ALK: variants seen among roughly 807,000 people sequenced by gnomAD.
ALK encodes the protein ALK receptor tyrosine kinase.
A neutral mutation model predicts 163.1 loss-of-function variants in ALK; 74 were observed. That is an observed-to-expected ratio of 0.45 (90% CI 0.38 to 0.55). The LOEUF (loss-of-function observed/expected upper bound fraction) is 0.55. Among genes scored for constraint, ALK ranks in the 20% least tolerant of loss-of-function variants. The probability of loss-of-function intolerance (pLI) is 0.00; values close to 1 mark genes in which losing one functional copy is unlikely to be tolerated. For missense variants in ALK, 2,063 were observed against 2,105.3 expected, an observed-to-expected ratio of 0.98 and a Z score of 0.39; for synonymous variants, 960 against 843.2, an observed-to-expected ratio of 1.14 and a Z score of -2.40.
chr2:29,862,908 A>G (rs1666331035), intron 1 of ALK, among the ~76,000 whole-genome samples: 1 of 152,186 alleles, frequency 6.6e-6, no homozygotes, highest in Non-Finnish European at 1.5e-5. Flanking sequence ...TACTGGCACA[A>G]AAACAGATGT....
chr2:29,334,317 T>C (rs73920785), intron 5 of ALK, among the ~76,000 whole-genome samples: 2,309 of 152,338 alleles, frequency 0.015, 72 homozygotes, highest in African/African-American at 0.051. Context: ...GTGTCTGGTA[T>C]AAAGATCTAA....
At chr2:29,637,059 C>A (rs1416708522) in intron 3 of ALK, among the ~76,000 whole-genome samples, 2 of 152,088 alleles carry the variant, frequency 1.3e-5, no homozygotes, top group Non-Finnish European at 2.9e-5. Context: ...ATGCCATTAC[C>A]ACAGGACTCA....
At chr2:29,580,440 C>T (rs1049035310) in intron 3 of ALK, among the ~76,000 whole-genome samples, 1 of 152,196 alleles carries the variant, frequency 6.6e-6, no homozygotes, top group Non-Finnish European at 1.5e-5. Flanking sequence ...GGCATCTGAG[C>T]AACCTTATAA....
chr2:29,260,712 A>T (rs1665064794), intron 11 of ALK, among the ~76,000 whole-genome samples: 1 of 151,654 alleles, frequency 6.6e-6, no homozygotes, highest in Admixed American at 6.6e-5. Flanking sequence ...GTGGGTGCCT[A>T]TGTCCCAGCT....
At chr2:29,411,236 C>T (rs1669717360) in intron 4 of ALK, among the ~76,000 whole-genome samples, 1 of 152,188 alleles carries the variant, frequency 6.6e-6, no homozygotes, top group Non-Finnish European at 1.5e-5. Flanking sequence ...GGGGCAATAA[C>T]ATGAATGGAG....
chr2:29,872,349 GTAGTTAAACTAGA>G (rs978677000), intron 1 of ALK, among the ~76,000 whole-genome samples: 2 of 152,144 alleles, frequency 1.3e-5, no homozygotes, highest in African/African-American at 4.8e-5. Flanking sequence ...GACAAAACAG[GTAGTTAAACTAGA>G]TACAGACGTT....
At chr2:29,436,068 A>C (rs1251037076) in intron 4 of ALK, among the ~76,000 whole-genome samples, 1 of 152,168 alleles carries the variant, frequency 6.6e-6, no homozygotes, top group Non-Finnish European at 1.5e-5. Context: ...AGCAAATGAT[A>C]CTGGAATTTA....
intron 1 of ALK, among the ~76,000 whole-genome samples, chr2:29,903,809 G>A (rs1667473673): frequency 6.6e-6 from 1 of 152,140 alleles, no homozygotes; most frequent in Non-Finnish European, 1.5e-5. Context: ...CAGAGAAGGT[G>A]ATGATTTCTT....
intron 1 of ALK, among the ~76,000 whole-genome samples, chr2:29,841,282 A>G (rs1236997953): frequency 6.6e-6 from 1 of 152,248 alleles, no homozygotes; most frequent in Non-Finnish European, 1.5e-5. Context: ...TCTTGAACAT[A>G]TCCAACATGC....
intron 4 of ALK, among the ~76,000 whole-genome samples, chr2:29,415,903 C>T (rs928807995): frequency 6.6e-6 from 1 of 152,208 alleles, no homozygotes; most frequent in Non-Finnish European, 1.5e-5. Flanking sequence ...CTTTTGGGTT[C>T]TGAGACTTAC....
chr2:29,466,572 A>G (rs1018635751), intron 4 of ALK, among the ~76,000 whole-genome samples: 2 of 152,240 alleles, frequency 1.3e-5, no homozygotes, highest in Non-Finnish European at 2.9e-5. Context: ...GGGCTCCTCA[A>G]TTTTAAGAGG....
intron 20 of ALK, 75 bp downstream of exon 20, chr2:29,223,267 A>G (rs2148170379): frequency 3.9e-6 from 6 of 1,529,200 alleles, no homozygotes; most frequent in Non-Finnish European, 9.0e-7. Context: ...TGGCTAGAGG[A>G]GTCTGCGGTG....
At chr2:29,629,643 C>T (rs1270562821) in intron 3 of ALK, among the ~76,000 whole-genome samples, 1 of 152,142 alleles carries the variant, frequency 6.6e-6, no homozygotes, top group Non-Finnish European at 1.5e-5. Context: ...TGTCTTTCAA[C>T]CACAACAATG....
At chr2:29,637,958 C>A (rs191901371) in intron 3 of ALK, among the ~76,000 whole-genome samples, 2 of 151,468 alleles carry the variant, frequency 1.3e-5, no homozygotes, top group South Asian at 2.1e-4. Context: ...TAATTAAACC[C>A]GATACAGAAT....
At chr2:29,341,719 G>C (rs183802678) in intron 5 of ALK, among the ~76,000 whole-genome samples, 37 of 152,334 alleles carry the variant, frequency 2.4e-4, no homozygotes, top group Admixed American at 7.8e-4. Context: ...TCCAGCTAGG[G>C]GGGAGAGGAA....
At chr2:29,298,188 T>A (rs1666255924) in intron 8 of ALK, among the ~76,000 whole-genome samples, 2 of 152,224 alleles carry the variant, frequency 1.3e-5, no homozygotes, top group Admixed American at 1.3e-4. Context: ...CAGGGACTGA[T>A]TTACTTCTGA....
chr2:29,272,116 G>A (rs1665405834), intron 11 of ALK, among the ~76,000 whole-genome samples: 1 of 151,984 alleles, frequency 6.6e-6, no homozygotes, highest in African/African-American at 2.4e-5. Context: ...ATTACTGCCA[G>A]AGAGAGACAG....
chr2:29,773,979 G>A (rs1681101565), intron 1 of ALK, among the ~76,000 whole-genome samples: 1 of 152,174 alleles, frequency 6.6e-6, no homozygotes, highest in Admixed American at 6.5e-5. Flanking sequence ...CTAGTCTGTT[G>A]TGGAAAAGTT....
intron 2 of ALK, among the ~76,000 whole-genome samples, chr2:29,706,975 ATGTGTGTGTGTGTGTGTGTGTGTGTG>A (rs766564449): frequency 7.8e-5 from 8 of 102,782 alleles, no homozygotes; most frequent in East Asian, 3.2e-4. Flanking sequence ...CTCATGCAGA[ATGTGTGTGTGTGTGTGTGTGTGTGTG>A]TGTGTGTGTG....
Sources: gnomAD v4.1 joint callset for allele counts (sites outside exome capture counted in the v4.1 genomes callset) on GRCh38, gnomAD v4.1.1 for gene constraint, MANE v1.5 for transcripts, NCBI Gene and HGNC (gene_info 2026-07-23, HGNC 2026-07-21) for gene names.